The following KIF21A variants were observed in gnomAD, a reference collection of about 807,000 sequenced individuals.
The protein encoded by KIF21A is kinesin family member 21A.
KIF21A carries 114 observed loss-of-function variants against 202.9 expected under a neutral mutation model. The observed-to-expected ratio is 0.56, with a 90% confidence interval of 0.48 to 0.66. KIF21A has a LOEUF of 0.66. KIF21A is among the 30% of genes least tolerant of loss of function. The pLI, the probability that KIF21A is intolerant of heterozygous loss-of-function variation, is 0.00. For synonymous variants in KIF21A, 667 were observed against 670.8 expected (o/e 0.99, Z 0.09); for missense variants, 1,677 against 1,994.9 (o/e 0.84, Z 3.04).
At chr12:39,395,583 T>C (rs1359238661) in intron 1 of KIF21A, among the ~76,000 whole-genome samples, 1 of 152,182 alleles carries the variant, frequency 6.6e-6, no homozygotes, top group Admixed American at 6.5e-5. Flanking sequence ...GGCTGACGCC[T>C]GTAATCCCAG....
At chr12:39,412,662 G>A (rs551251401) in intron 1 of KIF21A, among the ~76,000 whole-genome samples, 6 of 152,154 alleles carry the variant, frequency 3.9e-5, no homozygotes, top group South Asian at 4.1e-4. Context: ...AGGTTGCAGC[G>A]AGCTGAGGTT....
At chr12:39,342,013 A>C in intron 13 of KIF21A, 21 bp downstream of exon 13, 1 of 1,533,008 alleles carries the variant, frequency 6.5e-7, no homozygotes, top group Non-Finnish European at 9.0e-7. Flanking sequence ...AAAACTGACA[A>C]GTTCATTCTT....
Position 39,322,723 on chromosome 12 carries a change from C to G in KIF21A, c.3616G>C (p.Ala1206Pro). 6.2e-7 allele frequency: 1 copy of G among 1,614,032 alleles called. No individual in the cohort carries two copies. Among genetic ancestry groups the G allele is most frequent in the South Asian group, 1.1e-5 (1 of 91,074 alleles). Residue 1206 changes from alanine (A) to proline (P), a missense_variant, in exon 27 of 38, where the codon GCT becomes CCT. Ala to Pro is a conservative substitution (Grantham distance 27). This residue lies in a region of KIF21A where 705 missense variants were observed against 791.9 expected (regional missense o/e 0.89). Coordinates refer to ENST00000361418, the MANE Select transcript of KIF21A (RefSeq NM_001173464.2). ...GGGGGAGAGAGCTCTTTTTCCCTAG[C>G]AGAAGTACCACTTGTCTCTGTATTC... ...GMNTETSGTS[A>P]REKELSPPPG...
intron 4 of KIF21A, 93 bp downstream of exon 4, chr12:39,367,790 A>T (rs1006178059): frequency 2.8e-5 from 28 of 984,936 alleles, no homozygotes; most frequent in Non-Finnish European, 4.3e-5. Flanking sequence ...CAGGATATAA[A>T]TTTCATATCT....
At chr12:39,361,689 G>A (rs2138980231) in intron 7 of KIF21A, among the ~76,000 whole-genome samples, 1 of 151,716 alleles carries the variant, frequency 6.6e-6, no homozygotes, top group East Asian at 1.9e-4. Context: ...TGTATTTTTA[G>A]TGGAGACAGG....
intron 1 of KIF21A, among the ~76,000 whole-genome samples, chr12:39,374,851 A>G (rs1169484582): frequency 1.3e-5 from 2 of 152,164 alleles, no homozygotes; most frequent in African/African-American, 2.4e-5. Context: ...CAAGAAAAAC[A>G]AACCAAAGTT....
At chr12:39,324,109 C>CAA (rs200814971) in intron 26 of KIF21A, among the ~76,000 whole-genome samples, 14 of 139,786 alleles carry the variant, frequency 1.0e-4, no homozygotes, top group African/African-American at 1.9e-4. Flanking sequence ...GACTCTGCCT[C>CAA]AAAAAAAAAA....
chr12:39,348,491 C>T (rs1021093028), intron 11 of KIF21A, among the ~76,000 whole-genome samples: 2 of 152,030 alleles, frequency 1.3e-5, no homozygotes, highest in East Asian at 1.9e-4. Flanking sequence ...GAAGGTGAAA[C>T]TTTCAAACAG....
chr12:39,436,448 A>ATATATATATATATATATATATATATATT (rs1387332677), intron 1 of KIF21A, among the ~76,000 whole-genome samples: 1 of 95,764 alleles, frequency 1.0e-5, no homozygotes, highest in Non-Finnish European at 2.0e-5. Context: ...ATATATATAT[A>ATATATATATATATATATATATATATATT]TTTTTTTTTT....
chr12:39,303,801 T>C (rs944839254), intron 35 of KIF21A, among the ~76,000 whole-genome samples: 12 of 152,186 alleles, frequency 7.9e-5, no homozygotes, highest in African/African-American at 2.9e-4. Flanking sequence ...TCAAAATCGT[T>C]TCACTTTCCT....
rs574514158 is a variant in KIF21A at position 39,409,993 on chromosome 12, G to A, written c.44+32934C>T. On this transcript the variant is annotated intron_variant, in intron 1 of 37. Coordinates refer to ENST00000361418, the MANE Select transcript of KIF21A (RefSeq NM_001173464.2). ...ATTACAGGCACTCACCATCATGCCC[G>A]GCTAATTTTTGTATTTTTATACAGA... Among the ~76,000 whole-genome samples, 44 of 152,114 alleles carry A rather than the reference G, an allele frequency of 2.9e-4. No individual in the cohort carries two copies. In the East Asian group the frequency reaches 5.2e-3, roughly 18 times the overall value.
At chr12:39,431,683 C>A (rs577868105) in intron 1 of KIF21A, among the ~76,000 whole-genome samples, 10 of 152,236 alleles carry the variant, frequency 6.6e-5, no homozygotes, top group African/African-American at 2.4e-4. Flanking sequence ...ATAGAACACA[C>A]ACTTGTGAAA....
At chr12:39,435,488 GGGGTGACA>G (rs1349160561) in intron 1 of KIF21A, among the ~76,000 whole-genome samples, 3 of 149,846 alleles carry the variant, frequency 2.0e-5, no homozygotes, top group Non-Finnish European at 4.5e-5. Context: ...GGATGCTTTT[GGGGTGACA>G]GGCCTCCATT....
chr12:39,376,603 AAAAT>A (rs1950284868), intron 1 of KIF21A, among the ~76,000 whole-genome samples: 1 of 152,168 alleles, frequency 6.6e-6, no homozygotes, highest in South Asian at 2.1e-4. Context: ...TGACCCAAGA[AAAAT>A]AAATAAGTCT....
chr12:39,301,632 C>T lies in KIF21A; in HGVS notation c.4779G>A (p.Val1593=). The T allele has an allele frequency of 6.2e-7, 1 of 1,614,032 alleles. No homozygotes were observed. Among genetic ancestry groups the T allele is most frequent in the Non-Finnish European group, 8.5e-7 (1 of 1,179,986 alleles). ...HKDWVCALGV[V]PDHPVLLSGC... is the part of the protein sequence containing the mutation. The stretch of plus-strand genomic sequence containing the variant: ...CACTGAGCAAAACTGGGTGGTCTGG[C>T]ACCACTCCCAGGGCACAGACCCAAT... Residue 1593 remains valine (V), a synonymous_variant, in exon 37 of 38, where the codon GTG becomes GTA. Coordinates refer to ENST00000361418, the MANE Select transcript of KIF21A (RefSeq NM_001173464.2).
rs1952954159 is a variant in KIF21A, at chr12:39,410,014, A to G, written c.44+32913T>C. On this transcript the variant is annotated intron_variant, in intron 1 of 37. Coordinates refer to ENST00000361418, the MANE Select transcript of KIF21A (RefSeq NM_001173464.2). ...GCCCGGCTAATTTTTGTATTTTTAT[A>G]CAGACAAGGTTTCACCATGTTGGCC... Among the ~76,000 whole-genome samples the G allele has an allele frequency of 2.0e-5, 3 of 151,986 alleles. No individual in the cohort carries two copies. In the South Asian group the frequency reaches 6.2e-4, roughly 32 times the overall value.
rs76832524 is a variant in KIF21A at position 39,366,759 on chromosome 12, C to A, written c.736-242G>T. Among the ~76,000 whole-genome samples the A allele has an allele frequency of 9.3e-4, 142 of 152,290 alleles. 1 individual carries two copies. The East Asian group carries it at 0.022, about 24-fold the overall frequency. ...TATGCTAATGAAGGGAAACCTACAG[C>A]ATATAATCCTCAAAAGCAAAAGGTC... is the stretch of plus-strand genomic sequence containing the variant. On this transcript the variant is annotated intron_variant, in intron 5 of 37. Coordinates refer to ENST00000361418, the MANE Select transcript of KIF21A (RefSeq NM_001173464.2).
intron 10 of KIF21A, among the ~76,000 whole-genome samples, chr12:39,356,220 A>G (rs566053354): frequency 6.6e-6 from 1 of 152,270 alleles, no homozygotes; most frequent in Admixed American, 6.5e-5. Flanking sequence ...CATTTAACTA[A>G]ATTTTGTCAT....
At chr12:39,397,927 A>C (rs904727226) in intron 1 of KIF21A, among the ~76,000 whole-genome samples, 1 of 152,234 alleles carries the variant, frequency 6.6e-6, no homozygotes, top group African/African-American at 2.4e-5. Flanking sequence ...GATTTTGAGT[A>C]TGACTTACAA....
Sources: allele counts gnomAD v4.1 joint callset (sites outside exome capture counted in the v4.1 genomes callset), GRCh38; gene constraint gnomAD v4.1.1; regional missense constraint gnomAD v4.1.1; transcripts MANE v1.5; gene names NCBI Gene and HGNC (gene_info 2026-07-23, HGNC 2026-07-21).